CSMD3: variants seen among roughly 807,000 people sequenced by gnomAD.
The protein encoded by CSMD3 is CUB and sushi domain-containing protein 3.
A neutral mutation model predicts 435.2 loss-of-function variants in CSMD3; 177 were observed. That is an observed-to-expected ratio of 0.41 (90% CI 0.36 to 0.46). The LOEUF is 0.46. Ranked by LOEUF, CSMD3 falls within the 20% of genes least tolerant of loss-of-function variation. CSMD3 has a pLI of 0.34. For synonymous variants in CSMD3, 1,656 were observed against 1,520.5 expected (o/e 1.09, Z -2.07); for missense variants, 4,265 against 4,504.6 (o/e 0.95, Z 1.52).
chr8:112,960,122 T>C (rs1032701621), intron 7 of CSMD3, among the ~76,000 whole-genome samples: 1 of 151,806 alleles, frequency 6.6e-6, no homozygotes, highest in Non-Finnish European at 1.5e-5. Flanking sequence ...GATGACTTTT[T>C]TTTGTTTGTT....
intron 13 of CSMD3, among the ~76,000 whole-genome samples, chr8:112,783,213 C>A (rs2078437855): frequency 6.6e-6 from 1 of 151,686 alleles, no homozygotes; most frequent in African/African-American, 2.4e-5. Context: ...GAGTTTTTAT[C>A]AGTTTTCTTT....
In CSMD3 at chr8:112,280,737, G is replaced by A. The variant is rs369616836; in HGVS notation, c.9508+437C>T. On this transcript the variant is annotated intron_variant, in intron 59 of 70. Transcript: ENST00000297405. Reference sequence around the variant, plus strand: ...GCCATCTATTTTTAACATAACAAGAGAGCAAATCAGTTATCGAGACTCACT... The same window carrying A: ...GCCATCTATTTTTAACATAACAAGAAAGCAAATCAGTTATCGAGACTCACT... Among the ~76,000 whole-genome samples the A allele has an allele frequency of 6.6e-5, 10 of 152,188 alleles. No homozygotes were observed. The East Asian group carries it at 1.9e-3, about 29-fold the overall frequency.
intron 7 of CSMD3, among the ~76,000 whole-genome samples, chr8:112,960,449 A>T (rs1202128099): frequency 1.3e-5 from 2 of 151,794 alleles, no homozygotes; most frequent in South Asian, 2.1e-4. Flanking sequence ...CATAATTTTT[A>T]AAAAAGTGAC....
In CSMD3 at chr8:112,922,158, C is replaced by T. The variant is rs928291830; in HGVS notation, c.1509-407G>A. Among the ~76,000 whole-genome samples the T allele has an allele frequency of 2.0e-5, 3 of 151,984 alleles. No homozygotes were observed. In the South Asian group the frequency reaches 6.2e-4, roughly 32 times the overall value. On this transcript the variant is annotated intron_variant, in intron 9 of 70. Coordinates refer to ENST00000297405, the MANE Select transcript of CSMD3 (RefSeq NM_198123.2). ...ACATGCATTTGTGTCTATAAACATG[C>T]ATTTAATGTATTTAGAGATGCAAAA...
rs142018478 is a variant in CSMD3, at chr8:112,247,099, T to G, written c.10143A>C (p.Lys3381Asn). The G allele has an allele frequency of 6.2e-7, 1 of 1,613,380 alleles. No homozygotes were observed. The highest frequency in any genetic ancestry group is 8.5e-7 in the Non-Finnish European group (1 of 1,179,610). ...TTGTAGACCCTTGGAGAAGGTGTCC[T>G]TTTTTGCAATGGAACTGTACAACAC... ...VGSVVQFHCK[K>N]GHLLQGSTTR... The change falls in exon 64 of 71, where the codon AAA (lysine) becomes AAC (asparagine). Residue 3381 changes from lysine to asparagine, a missense_variant. By Grantham distance (94) the Lys-to-Asn change is moderately conservative. Coordinates refer to ENST00000297405, the MANE Select transcript of CSMD3 (RefSeq NM_198123.2).
intron 10 of CSMD3, among the ~76,000 whole-genome samples, chr8:112,905,823 A>G (rs1159162915): frequency 2.0e-5 from 3 of 151,374 alleles, no homozygotes; most frequent in African/African-American, 4.8e-5. Context: ...TTCTGCTAGC[A>G]TCTGTGAAAA....
chr8:113,110,559 A>G (rs2090607807), intron 4 of CSMD3, among the ~76,000 whole-genome samples: 1 of 152,070 alleles, frequency 6.6e-6, no homozygotes, highest in Non-Finnish European at 1.5e-5. Flanking sequence ...CGCTTTTACC[A>G]TCCATATTTC....
intron 3 of CSMD3, among the ~76,000 whole-genome samples, chr8:113,214,317 TA>T (rs1299384988): frequency 2.0e-5 from 3 of 152,042 alleles, no homozygotes; most frequent in Admixed American, 2.0e-4. Context: ...AAAGAGGATA[TA>T]ATTGTGGTGT....
intron 10 of CSMD3, among the ~76,000 whole-genome samples, chr8:112,885,737 G>A (rs983673536): frequency 2.0e-5 from 3 of 151,620 alleles, no homozygotes; most frequent in Non-Finnish European, 2.9e-5. Context: ...CTATTTAGTT[G>A]TACAAATTAT....
chr8:113,100,817 T>A (rs1414235029), intron 4 of CSMD3, among the ~76,000 whole-genome samples: 2 of 152,154 alleles, frequency 1.3e-5, no homozygotes, highest in Admixed American at 1.3e-4. Context: ...CATCAATTAA[T>A]ATATCCAGTC....
chr8:113,254,765 G>A (rs566611554), intron 3 of CSMD3, among the ~76,000 whole-genome samples: 3 of 151,726 alleles, frequency 2.0e-5, no homozygotes, highest in Admixed American at 2.0e-4. Context: ...AAAAATTGTT[G>A]GAAATTCTGG....
chr8:113,426,160 T>A (rs922826790), intron 1 of CSMD3, among the ~76,000 whole-genome samples: 2 of 151,368 alleles, frequency 1.3e-5, no homozygotes, highest in African/African-American at 4.8e-5. Flanking sequence ...CAACACAGAG[T>A]TCAATATTAG....
At chr8:112,383,697 T>C (rs2131256232) in intron 36 of CSMD3, 34 bp from the exon 37 acceptor site, 1 of 1,262,406 alleles carries the variant, frequency 7.9e-7, no homozygotes. Flanking sequence ...AGAATACACA[T>C]TTCTAACCAG....
In CSMD3 at chr8:112,873,760, C is replaced by T. The variant is rs143661291; in HGVS notation, c.1634-14494G>A. The stretch of plus-strand genomic sequence containing the variant: ...ATTTCTGTGGGATCAGTGGTGATAC[C>T]CCCTTTATCATTTTTTATTCTGTCT... On this transcript the variant is annotated intron_variant, in intron 10 of 70. Transcript: ENST00000297405. 8.9e-3 allele frequency among the ~76,000 whole-genome samples: 1,351 copies of T among 151,696 alleles called. 12 individuals are homozygous for T. Among genetic ancestry groups the T allele is most frequent in the Non-Finnish European group, 0.015 (997 of 67,870 alleles).
intron 13 of CSMD3, among the ~76,000 whole-genome samples, chr8:112,699,285 A>G (rs1175335194): frequency 6.6e-6 from 1 of 152,136 alleles, no homozygotes; most frequent in African/African-American, 2.4e-5. Context: ...CACCAGAAGG[A>G]AGAAACTCCG....
At chr8:112,768,271 C>T (rs868050391) in intron 13 of CSMD3, among the ~76,000 whole-genome samples, 6 of 151,624 alleles carry the variant, frequency 4.0e-5, no homozygotes, top group African/African-American at 7.3e-5. Flanking sequence ...TGGCAGGCAA[C>T]GAATGGCACA....
chr8:113,146,958 G>T (rs771717746), intron 4 of CSMD3, among the ~76,000 whole-genome samples: 6 of 151,576 alleles, frequency 4.0e-5, no homozygotes, highest in Non-Finnish European at 7.4e-5. Flanking sequence ...GACTAAATTG[G>T]GCATACTTTA....
chr8:112,834,105 G>T (rs2079955820), intron 11 of CSMD3, among the ~76,000 whole-genome samples: 1 of 151,830 alleles, frequency 6.6e-6, no homozygotes, highest in African/African-American at 2.4e-5. Context: ...TGCCTAAATT[G>T]TAACTGAGAC....
chr8:112,447,287 AAT>A (rs1815714645), intron 32 of CSMD3, among the ~76,000 whole-genome samples: 1 of 152,086 alleles, frequency 6.6e-6, no homozygotes, highest in South Asian at 2.1e-4. Context: ...ATGTAAGAAA[AAT>A]AAAGAACAGA....
Sources: gnomAD v4.1 joint callset for allele counts (sites outside exome capture counted in the v4.1 genomes callset) on GRCh38, gnomAD v4.1.1 for gene constraint, MANE v1.5 for transcripts, NCBI Gene and HGNC (gene_info 2026-07-23, HGNC 2026-07-21) for gene names.